Variants in LHX4 observed in about 807,000 individuals in gnomAD.
LHX4 encodes LIM/homeobox protein Lhx4.
A neutral mutation model predicts 39.2 loss-of-function variants in LHX4; 16 were observed. The ratio of observed to expected loss-of-function variants is 0.41; its 90% confidence interval spans 0.28 to 0.62. LHX4 has a LOEUF of 0.62. Ranked by LOEUF, LHX4 falls within the 20% of genes least tolerant of loss-of-function variation. The pLI is 0.33. For missense variants in LHX4, 439 were observed against 511.9 expected (o/e 0.86, Z 1.37); for synonymous variants, 206 against 198.1 (o/e 1.04, Z -0.33).
chr1:180,235,540 G>A (rs1236568795), intron 1 of LHX4, among the ~76,000 whole-genome samples: 1 of 152,214 alleles, frequency 6.6e-6, no homozygotes, highest in Admixed American at 6.5e-5. Flanking sequence ...TCCCATTTTC[G>A]AAGGGGCTCC....
chr1:180,247,323 A>G (rs947962041), intron 1 of LHX4, among the ~76,000 whole-genome samples: 1 of 152,148 alleles, frequency 6.6e-6, no homozygotes, highest in African/African-American at 2.4e-5. Context: ...TTCTTTCACT[A>G]TTTAAGTGAA....
chr1:180,242,263 T>TTGTG (rs145401539), intron 1 of LHX4, among the ~76,000 whole-genome samples: 24 of 151,174 alleles, frequency 1.6e-4, no homozygotes, highest in African/African-American at 4.4e-4. Context: ...GTGCATGTGT[T>TTGTG]TGTGTGTGTG....
chr1:180,240,741 G>A (rs1225772515), intron 1 of LHX4, among the ~76,000 whole-genome samples: 1 of 152,176 alleles, frequency 6.6e-6, no homozygotes, highest in East Asian at 1.9e-4. Context: ...GTCTGCCATG[G>A]ATCACATCAG....
intron 2 of LHX4, among the ~76,000 whole-genome samples, chr1:180,265,635 G>C (rs993728557): frequency 6.6e-6 from 1 of 152,194 alleles, no homozygotes; most frequent in African/African-American, 2.4e-5. Flanking sequence ...ACCAAGGAGA[G>C]GTCTGAAGCA....
chr1:180,229,566 G>A (rs371730893), upstream of LHX4, among the ~76,000 whole-genome samples: 1 of 152,154 alleles, frequency 6.6e-6, no homozygotes, highest in Non-Finnish European at 1.5e-5. Flanking sequence ...AGACGCGGGG[G>A]AGAGAGAGCA....
chr1:180,238,259 C>A (rs1261453144), intron 1 of LHX4, among the ~76,000 whole-genome samples: 1 of 152,186 alleles, frequency 6.6e-6, no homozygotes, highest in Admixed American at 6.5e-5. Flanking sequence ...TTCAAAGGCA[C>A]CCCAAGCCAC....
intron 3 of LHX4, among the ~76,000 whole-genome samples, chr1:180,269,140 TG>T (rs34208363): frequency 0.017 from 2,572 of 151,426 alleles, 35 homozygotes; most frequent in East Asian, 0.062. Flanking sequence ...GTAGAGTGTG[TG>T]GGGGGGGGGG....
chr1:180,244,186 T>C (rs1647296939), intron 1 of LHX4, among the ~76,000 whole-genome samples: 1 of 152,252 alleles, frequency 6.6e-6, no homozygotes, highest in Non-Finnish European at 1.5e-5. Flanking sequence ...GATTGGTATA[T>C]TGGAGATCTT....
In LHX4 at chr1:180,232,245, C is replaced by T. The variant is rs992738345; in HGVS notation, c.76+1640C>T. On this transcript the variant is annotated intron_variant, in intron 1 of 5. Transcript: ENST00000263726. This position sits in a 1 kb window ranked among gnomAD's most constrained non-coding sequence, Gnocchi z 5.4. The stretch of plus-strand genomic sequence containing the variant: ...TGTGTGTTACTAGTGTCCTTGGTAC[C>T]CAGTACGTCTGTGCTTTCATGGCTG... Among the ~76,000 whole-genome samples the T allele has an allele frequency of 6.6e-6, 1 of 152,120 alleles. No individual in the cohort carries two copies. Among genetic ancestry groups the T allele is most frequent in the African/African-American group, 2.4e-5 (1 of 41,404 alleles).
chr1:180,274,020 C>G (rs1648860896), intron 5 of LHX4, 165 bp from the exon 6 acceptor site: 7 of 774,056 alleles, frequency 9.0e-6, no homozygotes, highest in Non-Finnish European at 1.5e-5. Flanking sequence ...GGGTTGGCCT[C>G]TGGATATCAG....
intron 1 of LHX4, among the ~76,000 whole-genome samples, chr1:180,244,725 A>T (rs12123827): frequency 0.18 from 28,041 of 152,230 alleles, 2,721 homozygotes; most frequent in African/African-American, 0.21. Flanking sequence ...CCAGGAGCCA[A>T]GGGAGGTGCA....
intron 1 of LHX4, among the ~76,000 whole-genome samples, chr1:180,236,068 A>AG (rs371001568): frequency 4.3e-4 from 65 of 152,178 alleles, no homozygotes; most frequent in African/African-American, 1.5e-3. Context: ...CCAAAAACAA[A>AG]GGGGGGTTAA....
At chr1:180,231,433 C>T (rs1397470232) in intron 1 of LHX4, among the ~76,000 whole-genome samples, 1 of 151,810 alleles carries the variant, frequency 6.6e-6, no homozygotes, top group African/African-American at 2.4e-5. Flanking sequence ...AAGTCTCTCT[C>T]TGTGTGTATG....
Position 180,231,349 on chromosome 1 carries a change from C to G in LHX4, c.76+744C>G, listed in dbSNP as rs1255126558. 2.0e-5 allele frequency among the ~76,000 whole-genome samples: 3 copies of G among 151,778 alleles called. No individual in the cohort carries two copies. In the South Asian group the frequency reaches 6.2e-4, roughly 32 times the overall value. ...GAGACGGGGGTGTGTGGGAGCTTTG[C>G]TAGCCTGCCCGCCCGCTTTCTTCCC... On this transcript the variant is annotated intron_variant, in intron 1 of 5. Coordinates refer to ENST00000263726, the MANE Select transcript of LHX4 (RefSeq NM_033343.4).
At chr1:180,237,404 C>A (rs940110238) in intron 1 of LHX4, among the ~76,000 whole-genome samples, 1 of 152,118 alleles carries the variant, frequency 6.6e-6, no homozygotes, top group African/African-American at 2.4e-5. Context: ...TGAGGTTTTA[C>A]CTTATTTAGT....
At chr1:180,258,790 C>A (rs764237305) in intron 2 of LHX4, among the ~76,000 whole-genome samples, 3 of 151,756 alleles carry the variant, frequency 2.0e-5, no homozygotes, top group African/African-American at 7.3e-5. Context: ...GGCAACAGAG[C>A]GAGACCCTGT....
At chr1:180,245,640 G>C (rs1006941900) in intron 1 of LHX4, among the ~76,000 whole-genome samples, 1 of 152,192 alleles carries the variant, frequency 6.6e-6, no homozygotes, top group East Asian at 1.9e-4. Context: ...CCTAATAATA[G>C]CAAGCCTGTC....
chr1:180,229,673 G>A (rs915521556), upstream of LHX4, among the ~76,000 whole-genome samples: 1 of 151,898 alleles, frequency 6.6e-6, no homozygotes, highest in African/African-American at 2.4e-5. Flanking sequence ...TCCGTCCGGC[G>A]GAGCGAAGCC....
At chr1:180,229,969 G>C (rs1368267606), upstream of LHX4, among the ~76,000 whole-genome samples, 7 of 145,124 alleles carry the variant, frequency 4.8e-5, no homozygotes, top group East Asian at 4.2e-4. Flanking sequence ...CGGGGAGGGG[G>C]GGGGGGTGCC....
Sources: gnomAD v4.1 joint callset for allele counts (sites outside exome capture counted in the v4.1 genomes callset) on GRCh38, gnomAD v4.1.1 for gene constraint, Gnocchi (gnomAD v3.1) non-coding constraint, MANE v1.5 for transcripts, NCBI Gene and HGNC (gene_info 2026-07-23, HGNC 2026-07-21) for gene names.